ENOSF1: variants seen among roughly 807,000 people sequenced by gnomAD.
ENOSF1 encodes mitochondrial enolase superfamily member 1.
A neutral mutation model predicts 68.2 loss-of-function variants in ENOSF1; 73 were observed. The ratio of observed to expected loss-of-function variants is 1.07; its 90% CI spans 0.89 to 1.30. The LOEUF (loss-of-function observed/expected upper bound fraction) is 1.30. ENOSF1 is among the 50% of genes most tolerant of loss of function. ENOSF1 has a pLI of 0.00. For synonymous variants in ENOSF1, 223 were observed against 210.4 expected (o/e 1.06, Z -0.52); for missense variants, 589 against 554.5 (o/e 1.06, Z -0.62).
chr18:683,734 T>G (rs1451672477), intron 10 of ENOSF1, among the ~76,000 whole-genome samples: 1 of 152,088 alleles, frequency 6.6e-6, no homozygotes, highest in East Asian at 1.9e-4. Context: ...CAGTGTTGGT[T>G]CTGTTCGTAG....
chr18:667,456 ATGATGGAGATGGTGATGGT>A (rs1567990674), downstream of ENOSF1, among the ~76,000 whole-genome samples: 2 of 1,150 alleles, frequency 1.7e-3, no homozygotes, highest in Admixed American at 0.011. Context: ...GGTGATGGTG[ATGATGGAGATGGTGATGGT>A]GATGGTGATG....
chr18:677,870 G>C lies in ENOSF1; in HGVS notation c.921C>G (p.Cys307Trp), dbSNP rs774238322. Reference sequence around the variant, plus strand: ...GTTGCTTAAATATCACTCTATTGTGGCACTGGAAATAGAATTGAAAATAAC... The same window carrying C: ...GTTGCTTAAATATCACTCTATTGTGCCACTGGAAATAGAATTGAAAATAAC... Reference protein sequence around the residue: ...LGIGIATGEQCHNRVIFKQLL... With the variant: ...LGIGIATGEQWHNRVIFKQLL... The change falls in exon 13 of 16, where the codon TGC (cysteine) becomes TGG (tryptophan). Residue 307 changes from cysteine (C) to tryptophan (W), a missense_variant and splice_region_variant. Transcript: ENST00000647584. The C allele has an allele frequency of 3.6e-5, 58 of 1,611,746 alleles. No individual in the cohort carries two copies. Among genetic ancestry groups the C allele is most frequent in the Non-Finnish European group, 4.9e-5 (58 of 1,179,434 alleles).
rs1227303576 is a variant in ENOSF1, at chr18:670,741, T to C, written c.*3564A>G. 1.2e-6 allele frequency: 2 copies of C among 1,614,198 alleles called. No individual in the cohort carries two copies. Among genetic ancestry groups the C allele is most frequent in the Non-Finnish European group, 1.7e-6 (2 of 1,180,024 alleles). ...CATGCCATGCCCTCTGCCAGTTCTA[T>C]GTGGTGAACAGTGAGCTGTCCTGCC... On this transcript the variant is annotated 3_prime_UTR_variant, in exon 16 of 16. Coordinates refer to ENST00000647584, the MANE Select transcript of ENOSF1 (RefSeq NM_017512.7).
At chr18:677,671 C>A in intron 13 of ENOSF1, 72 bp downstream of exon 13, 1 of 1,537,186 alleles carries the variant, frequency 6.5e-7, no homozygotes, top group South Asian at 1.3e-5. Context: ...ATGTGAATTG[C>A]AAACCATCAA....
At chr18:693,166 T>C (rs1445019988) in intron 5 of ENOSF1, 1 of 1,289,142 alleles carries the variant, frequency 7.8e-7, no homozygotes. Flanking sequence ...CAGCATCCAG[T>C]TGTTCACCCC....
At chr18:698,320 A>G (rs1342062486) in intron 2 of ENOSF1, among the ~76,000 whole-genome samples, 1 of 152,258 alleles carries the variant, frequency 6.6e-6, no homozygotes, top group Non-Finnish European at 1.5e-5. Context: ...ACACTAGTTC[A>G]TGTTCCTAAG....
chr18:677,929 C>G (rs2075679886), intron 12 of ENOSF1, 57 bp from the exon 13 acceptor site: 1 of 1,575,408 alleles, frequency 6.3e-7, no homozygotes, highest in South Asian at 1.2e-5. Context: ...CCTTCAGGAT[C>G]TCTAAACCTG....
chr18:685,244 A>G (rs1301630350), intron 10 of ENOSF1, among the ~76,000 whole-genome samples: 1 of 151,992 alleles, frequency 6.6e-6, no homozygotes, highest in African/African-American at 2.4e-5. Flanking sequence ...AGCTCCGGCA[A>G]TCCACTCACC....
At chr18:699,352 C>T (rs1008871783) in intron 2 of ENOSF1, among the ~76,000 whole-genome samples, 1 of 151,868 alleles carries the variant, frequency 6.6e-6, no homozygotes, top group Non-Finnish European at 1.5e-5. Flanking sequence ...CCCCGCCTCT[C>T]GGGAGGCTGA....
rs777777414 is a variant in ENOSF1, at chr18:675,359, G to T, written c.1192C>A (p.Pro398Thr). 2 of 1,613,038 alleles carry T rather than the reference G, an allele frequency of 1.2e-6. No homozygotes were observed. Among genetic ancestry groups the T allele is most frequent in the Non-Finnish European group, 1.7e-6 (2 of 1,179,856 alleles). Residue 398 changes from proline (P) to threonine (T), a missense_variant, in exon 15 of 16, where the codon CCC becomes ACC. Pro to Thr is a conservative substitution (Grantham distance 38, BLOSUM62 -1). Transcript: ENST00000647584. ...TAGGAAGCCCGCTGGATCATCACGG[G>T]ATACTTGAAATGCTCATGCAGGTGG... ...VDHLHEHFKY[P>T]VMIQRASYMP...
intron 9 of ENOSF1, chr18:688,287 C>T (rs2076820780): frequency 5.2e-6 from 2 of 385,824 alleles, no homozygotes; most frequent in Non-Finnish European, 9.6e-6. Flanking sequence ...TGAATCAACG[C>T]TGTTACTGAC....
At chr18:686,090 TC>T in intron 9 of ENOSF1, 82 bp from the exon 10 acceptor site, 1 of 941,404 alleles carries the variant, frequency 1.1e-6, no homozygotes, top group East Asian at 2.4e-5. Flanking sequence ...GAAGTGACCG[TC>T]TCTGTCAACA....
Position 706,550 on chromosome 18 carries a change from T to C in ENOSF1, c.113A>G (p.Tyr38Cys), listed in dbSNP as rs142476712. 1.5e-5 allele frequency: 25 copies of C among 1,613,768 alleles called. No homozygotes were observed. The highest frequency in any genetic ancestry group is 1.6e-4 in the Middle Eastern group (1 of 6,062). ...MHTDPDYSAA[Y>C]VVIETDAEDG... is the part of the protein sequence containing the mutation. ...TTCTGCATCAGTTTCTATGACGACA[T>C]AGGCAGCCGAGTAGTCAGGGTCCGT... The change falls in exon 2 of 16, where the codon TAT (tyrosine) becomes TGT (cysteine). Residue 38 changes from tyrosine to cysteine, a missense_variant. Coordinates refer to ENST00000647584, the MANE Select transcript of ENOSF1 (RefSeq NM_017512.7).
chr18:700,834 C>T (rs2145301502), intron 2 of ENOSF1, among the ~76,000 whole-genome samples: 1 of 139,734 alleles, frequency 7.2e-6, no homozygotes, highest in South Asian at 2.2e-4. Context: ...TGCAGTGAGC[C>T]AGCCAAGATC....
chr18:706,815 A>ATATATAT (rs760562263), intron 1 of ENOSF1: 18,331 of 130,628 alleles, frequency 0.14, 1,370 homozygotes, highest in African/African-American at 0.18. Flanking sequence ...ATATATATAT[A>ATATATAT]TTTTTTTTTT....
At chr18:670,113 C>T (rs1299233979), downstream of ENOSF1, among the ~76,000 whole-genome samples, 8 of 151,334 alleles carry the variant, frequency 5.3e-5, no homozygotes, top group Non-Finnish European at 1.0e-4. Context: ...GTGTGATCTC[C>T]GCTCACGGCA....
At position 683,235 on chromosome 18, in the gene ENOSF1, C is replaced by T. The variant is rs763389811; in HGVS notation, c.876+11G>A. On this transcript the variant is annotated intron_variant, in intron 11 of 15. Coordinates refer to ENST00000647584, the MANE Select transcript of ENOSF1 (RefSeq NM_017512.7). ...AATAAGCTGCCACAGCAGCAGCAGC[C>T]GTTTTCCTACCTTGGAAATGGTGGC... 2.4e-5 allele frequency: 38 copies of T among 1,613,684 alleles called. No individual in the cohort carries two copies. Among genetic ancestry groups the T allele is most frequent in the East Asian group, 4.5e-5 (2 of 44,846 alleles).
intron 5 of ENOSF1, chr18:693,144 T>C (rs1170416620): frequency 2.3e-6 from 3 of 1,288,906 alleles, no homozygotes; most frequent in East Asian, 1.1e-4. Context: ...ATTTGCCCAG[T>C]TTTTTCCTCC....
Position 699,333 on chromosome 18 carries a change from G to A in ENOSF1, c.194-1978C>T, listed in dbSNP as rs954728323. Among the ~76,000 whole-genome samples the A allele has an allele frequency of 7.2e-5, 11 of 151,856 alleles. No homozygotes were observed. The South Asian group carries it at 8.3e-4, about 11-fold the overall frequency. On this transcript the variant is annotated intron_variant, in intron 2 of 15. Coordinates refer to ENST00000647584, the MANE Select transcript of ENOSF1 (RefSeq NM_017512.7). ...AAAAATTAGCCGGTTGCGGTGGTGC[G>A]CCTGTGGTCCCCGCCTCTCGGGAGG...
Sources: gnomAD v4.1 joint callset for allele counts (sites outside exome capture counted in the v4.1 genomes callset) on GRCh38, gnomAD v4.1.1 for gene constraint, MANE v1.5 for transcripts, NCBI Gene and HGNC (gene_info 2026-07-23, HGNC 2026-07-21) for gene names.